ODAD2: variants seen among roughly 807,000 people sequenced by gnomAD.
ODAD2 encodes the protein outer dynein arm-docking complex subunit 2.
Under a neutral mutation model 106.8 loss-of-function variants are expected in ODAD2, and 89 were observed. The ratio of observed to expected loss-of-function variants is 0.83; its 90% CI spans 0.70 to 0.99. The LOEUF (loss-of-function observed/expected upper bound fraction) is 0.99, where lower values mean the gene tolerates loss of function less well. Among genes scored for constraint, ODAD2 ranks in the 50% least tolerant of loss-of-function variants. The pLI, the probability that ODAD2 is intolerant of heterozygous loss-of-function variation, is 0.00. For synonymous variants in ODAD2, 404 were observed against 436.2 expected (o/e 0.93, Z 0.92); for missense variants, 1,168 against 1,238.5 (o/e 0.94, Z 0.85).
At chr10:27,866,402 G>C (rs1840440440) in intron 17 of ODAD2, among the ~76,000 whole-genome samples, 1 of 152,178 alleles carries the variant, frequency 6.6e-6, no homozygotes, top group South Asian at 2.1e-4. Context: ...ATGAGGCCAT[G>C]CACATGTAAA....
intron 2 of ODAD2, among the ~76,000 whole-genome samples, chr10:27,994,446 A>T (rs1335558636): frequency 2.0e-5 from 3 of 152,102 alleles, no homozygotes; most frequent in Non-Finnish European, 4.4e-5. Flanking sequence ...AAGAATATGG[A>T]TGACCTGGTG....
At position 27,936,797 on chromosome 10, in the gene ODAD2, G is replaced by A; in HGVS notation, c.2181C>T (p.Asp727=). ...KPLASLLNNT[D]NKERLAAVTG... Reference sequence around the variant, plus strand: ...TGACAGCAGCTAACCGCTCTTTATTGTCAGTGTTATTGAGTAGACTGGCCA... The same window carrying A: ...TGACAGCAGCTAACCGCTCTTTATTATCAGTGTTATTGAGTAGACTGGCCA... Residue 727 remains aspartate, a synonymous_variant, in exon 15 of 20, where the codon GAC becomes GAT. Coordinates refer to ENST00000305242, the MANE Select transcript of ODAD2 (RefSeq NM_018076.5). 1 of 1,613,972 alleles carries A rather than the reference G, an allele frequency of 6.2e-7. No homozygotes were observed. The highest frequency in any genetic ancestry group is 2.2e-5 in the East Asian group (1 of 44,866).
intron 19 of ODAD2, among the ~76,000 whole-genome samples, chr10:27,829,963 T>G (rs1026092753): frequency 3.9e-5 from 6 of 152,054 alleles, no homozygotes; most frequent in African/African-American, 1.4e-4. Flanking sequence ...GTGGAACCCA[T>G]TTCTTTTTTC....
intron 14 of ODAD2, among the ~76,000 whole-genome samples, chr10:27,938,795 G>A (rs1407227503): frequency 6.6e-6 from 1 of 151,330 alleles, no homozygotes; most frequent in Non-Finnish European, 1.5e-5. Context: ...AGACGGGGTT[G>A]CACCATGTTG....
intron 16 of ODAD2, among the ~76,000 whole-genome samples, chr10:27,921,154 T>A (rs146270293): frequency 6.6e-6 from 1 of 152,058 alleles, no homozygotes; most frequent in East Asian, 1.9e-4. Context: ...AAAATATTAA[T>A]AGAAATACCT....
chr10:27,910,630 G>A (rs1442572903), intron 16 of ODAD2, among the ~76,000 whole-genome samples: 2 of 152,024 alleles, frequency 1.3e-5, no homozygotes, highest in Admixed American at 6.6e-5. Flanking sequence ...GGTGGTGCAC[G>A]ACTCTAATCT....
intron 8 of ODAD2, among the ~76,000 whole-genome samples, chr10:27,969,396 G>A (rs1244098904): frequency 3.9e-5 from 6 of 152,386 alleles, no homozygotes; most frequent in East Asian, 1.9e-4. Context: ...CCAGGTATTC[G>A]CAGGCTTTGC....
chr10:27,877,568 G>A (rs1556642), intron 17 of ODAD2, among the ~76,000 whole-genome samples: 84,743 of 151,898 alleles, frequency 0.56, 24,590 homozygotes, highest in Middle Eastern at 0.69. Context: ...AACATATGAC[G>A]TCTTGCCTCG....
rs777280534 is a variant in ODAD2, at chr10:27,939,941, C to T, written c.2053G>A (p.Glu685Lys). 6.2e-7 allele frequency: 1 copy of T among 1,611,226 alleles called. No individual in the cohort carries two copies. Among genetic ancestry groups the T allele is most frequent in the East Asian group, 2.2e-5 (1 of 44,558 alleles). ...IENLVKNLNS[E>K]NEQLQEHCAM... The stretch of plus-strand genomic sequence containing the variant: ...CAGTGCTCCTGCAGCTGCTCATTCT[C>T]ACTATTTAGGTTCTTGACAAGGTTT... Residue 685 changes from glutamate to lysine, a missense_variant, in exon 14 of 20, where the codon GAG (glutamate) becomes AAG (lysine). Physicochemically the swap from Glu to Lys is moderately conservative, Grantham distance 56 (BLOSUM62 1). Transcript: ENST00000305242.
intron 19 of ODAD2, among the ~76,000 whole-genome samples, chr10:27,830,745 G>A (rs1403215331): frequency 6.6e-6 from 1 of 152,062 alleles, no homozygotes; most frequent in East Asian, 1.9e-4. Context: ...CCAACCCAGA[G>A]TTCCTGATGG....
chr10:27,977,337 G>A (rs12573177), intron 7 of ODAD2, among the ~76,000 whole-genome samples: 1,600 of 151,852 alleles, frequency 0.011, 36 homozygotes, highest in East Asian at 0.038. Flanking sequence ...GGCCAAGGTC[G>A]GCAGATCACA....
intron 16 of ODAD2, among the ~76,000 whole-genome samples, chr10:27,909,159 A>G (rs1433520015): frequency 6.6e-6 from 1 of 152,148 alleles, no homozygotes; most frequent in Non-Finnish European, 1.5e-5. Context: ...TTTTTTTCAC[A>G]TAAAATTTCA....
At position 27,987,517 on chromosome 10, in the gene ODAD2, A is replaced by C. The variant is rs549455667; in HGVS notation, c.251T>G (p.Val84Gly). The change falls in exon 3 of 20, where the codon GTT becomes GGT. Residue 84 changes from valine (V) to glycine (G), a missense_variant. Physicochemically the swap from Val to Gly is moderately radical, Grantham distance 109. This residue lies in a region of ODAD2 where 430 missense variants were observed against 452.2 expected (regional missense o/e 0.95). Coordinates refer to ENST00000305242, the MANE Select transcript of ODAD2 (RefSeq NM_018076.5). ...VSETTVKSEEVDKNGQPLLFL... is the reference protein window; with the variant it reads ...VSETTVKSEEGDKNGQPLLFL... ...TAGCAAAGGCTGTCCATTTTTATCA[A>C]CTTCTTCTGATTTGACTGTTGTTTC... 1.2e-6 allele frequency: 2 copies of C among 1,611,992 alleles called. No homozygotes were observed. Among genetic ancestry groups the C allele is most frequent in the East Asian group, 2.2e-5 (1 of 44,864 alleles).
intron 17 of ODAD2, among the ~76,000 whole-genome samples, chr10:27,885,023 C>A (rs79146969): frequency 0.019 from 2,862 of 151,684 alleles, 97 homozygotes; most frequent in African/African-American, 0.066. Flanking sequence ...TGAAGACATA[C>A]GAAGAAACAG....
intron 16 of ODAD2, among the ~76,000 whole-genome samples, chr10:27,923,029 C>G (rs1844903216): frequency 7.8e-6 from 1 of 127,632 alleles, no homozygotes; most frequent in South Asian, 2.7e-4. Context: ...AAGATAACCA[C>G]TAGAACAAAA....
intron 17 of ODAD2, among the ~76,000 whole-genome samples, chr10:27,864,881 G>A (rs1161303217): frequency 6.6e-6 from 1 of 152,036 alleles, no homozygotes; most frequent in Non-Finnish European, 1.5e-5. Context: ...AACCTCACAG[G>A]AATCATGCAA....
At position 27,924,008 on chromosome 10, in the gene ODAD2, A is replaced by AAGAAAGGG. The variant is rs1554810839; in HGVS notation, c.2495+11001_2495+11002insCCCTTTCT. On this transcript the variant is annotated intron_variant, in intron 16 of 19. Coordinates refer to ENST00000305242, the MANE Select transcript of ODAD2 (RefSeq NM_018076.5). Reference sequence around the variant, plus strand: ...AAAGAAAGAAAGAAAGAAAGAAAGAAAGAAAGAAAGAAAGAAGGAAAGAGA... The same window carrying AAGAAAGGG: ...AAAGAAAGAAAGAAAGAAAGAAAGAAAGAAAGGGAGAAAGAAAGAAAGAAGGAAAGAGA... 2.6e-3 allele frequency among the ~76,000 whole-genome samples: 270 copies of AAGAAAGGG among 104,252 alleles called. 15 individuals carry two copies. The highest frequency in any genetic ancestry group is 7.9e-3 in the African/African-American group (191 of 24,256). The allele number at this position is 104,252 out of a possible 152,430, so 68.4% of individuals were successfully genotyped here.
At chr10:27,955,616 C>T (rs186220229) in intron 10 of ODAD2, among the ~76,000 whole-genome samples, 96 of 152,098 alleles carry the variant, frequency 6.3e-4, no homozygotes, top group African/African-American at 2.3e-3. Flanking sequence ...CTGTAATTGA[C>T]TGCAAAGTAC....
At chr10:27,854,712 C>G (rs1402174031) in intron 19 of ODAD2, among the ~76,000 whole-genome samples, 4 of 151,924 alleles carry the variant, frequency 2.6e-5, no homozygotes, top group Admixed American at 6.6e-5. Flanking sequence ...GCCCAGATCG[C>G]GCCACTGAAC....
Sources: gnomAD v4.1 joint callset for allele counts (sites outside exome capture counted in the v4.1 genomes callset) on GRCh38, gnomAD v4.1.1 for gene constraint, gnomAD v4.1.1 regional missense constraint, MANE v1.5 for transcripts, NCBI Gene and HGNC (gene_info 2026-07-23, HGNC 2026-07-21) for gene names.